Variants in GTF2A2 observed in about 807,000 individuals in gnomAD.
GTF2A2 encodes the protein transcription initiation factor IIA subunit 2.
A neutral mutation model predicts 14.3 loss-of-function variants in GTF2A2; 9 were observed. The observed-to-expected ratio is 0.63, with a 90% confidence interval of 0.38 to 1.10. GTF2A2 has a LOEUF of 1.10. Ranked by LOEUF, GTF2A2 falls within the 50% of genes least tolerant of loss-of-function variation. The pLI, the probability that GTF2A2 is intolerant of heterozygous loss-of-function variation, is 0.01. For missense variants in GTF2A2, 90 were observed against 124.6 expected, an observed-to-expected ratio of 0.72 and a Z score of 1.32; for synonymous variants, 56 against 46.0, an observed-to-expected ratio of 1.22 and a Z score of -0.88.
In GTF2A2 at chr15:59,638,423, G is replaced by A. The variant is rs1266599292; in HGVS notation, c.*709C>T. Reference sequence around the variant, plus strand: ...GTCTAATAATTAGACTTTATTGTAAGTCTAATGTATCTTGTACATGATAAA... The same window carrying A: ...GTCTAATAATTAGACTTTATTGTAAATCTAATGTATCTTGTACATGATAAA... On this transcript the variant is annotated 3_prime_UTR_variant, in exon 5 of 5. Coordinates refer to ENST00000396060, the MANE Select transcript of GTF2A2 (RefSeq NM_004492.3). 2.1e-5 allele frequency: 3 copies of A among 143,902 alleles called. No individual in the cohort carries two copies. Among genetic ancestry groups the A allele is most frequent in the South Asian group, 2.3e-4 (1 of 4,390 alleles). 8.9% of individuals were successfully genotyped at this position (143,902 alleles called of 1,614,324 possible).
chr15:59,655,466 C>T (rs1389524710), intron 1 of GTF2A2, among the ~76,000 whole-genome samples: 1 of 152,216 alleles, frequency 6.6e-6, no homozygotes, highest in Non-Finnish European at 1.5e-5. Flanking sequence ...ATTACTCCCT[C>T]CTCTTTCGTA....
At chr15:59,652,435 T>C in intron 1 of GTF2A2, 109 bp from the exon 2 acceptor site, 2 of 560,280 alleles carry the variant, frequency 3.6e-6, no homozygotes, top group South Asian at 4.5e-5. Context: ...GGAGAACGCT[T>C]AGTGGTTGCA....
chr15:59,644,835 C>G (rs192254579), intron 3 of GTF2A2, among the ~76,000 whole-genome samples: 89 of 152,226 alleles, frequency 5.8e-4, no homozygotes, highest in Admixed American at 1.2e-3. Flanking sequence ...CTTGGAAAAC[C>G]TTTGCCCCAT....
chr15:59,646,262 G>C (rs1224744449), intron 3 of GTF2A2, among the ~76,000 whole-genome samples: 1 of 152,048 alleles, frequency 6.6e-6, no homozygotes, highest in Non-Finnish European at 1.5e-5. Flanking sequence ...TACCATATTG[G>C]TCAGGCTGGT....
intron 3 of GTF2A2, among the ~76,000 whole-genome samples, chr15:59,644,610 T>C (rs781543477): frequency 4.5e-4 from 69 of 152,212 alleles, no homozygotes; most frequent in African/African-American, 8.7e-4. Flanking sequence ...AAGAGTAAGT[T>C]ACTGGGTACA....
chr15:59,651,602 A>G (rs1290238817), intron 2 of GTF2A2: 1 of 152,242 alleles, frequency 6.6e-6, no homozygotes, highest in East Asian at 1.9e-4. Context: ...TCTTAAAGCT[A>G]AAAAGTATAT....
intron 1 of GTF2A2, among the ~76,000 whole-genome samples, chr15:59,653,717 A>G (rs190101558): frequency 8.8e-4 from 134 of 152,208 alleles, no homozygotes; most frequent in African/African-American, 3.0e-3. Flanking sequence ...CTTTGTACCC[A>G]TATATAAAAC....
At chr15:59,641,112 G>A (rs1306455714) in intron 4 of GTF2A2, among the ~76,000 whole-genome samples, 1 of 151,776 alleles carries the variant, frequency 6.6e-6, no homozygotes, top group African/African-American at 2.4e-5. Context: ...CCAGCACTCT[G>A]GGAGAAGGAG....
At chr15:59,639,281 G>T in intron 4 of GTF2A2, 124 bp from the exon 5 acceptor site, 1 of 696,314 alleles carries the variant, frequency 1.4e-6, no homozygotes. Context: ...CTTGCAGGGT[G>T]GGGAAGAACA....
At chr15:59,645,829 G>A (rs1891585970) in intron 3 of GTF2A2, among the ~76,000 whole-genome samples, 1 of 151,888 alleles carries the variant, frequency 6.6e-6, no homozygotes, top group Non-Finnish European at 1.5e-5. Context: ...GAGGTGAGGA[G>A]TTCAAGACCA....
intron 3 of GTF2A2, among the ~76,000 whole-genome samples, chr15:59,646,669 C>A (rs569888063): frequency 6.6e-6 from 1 of 151,904 alleles, no homozygotes; most frequent in Admixed American, 6.6e-5. Context: ...ATTTATTTTA[C>A]CACAAAAATA....
chr15:59,651,988 T>G, intron 2 of GTF2A2: 1 of 430,682 alleles, frequency 2.3e-6, no homozygotes, highest in South Asian at 3.5e-5. Context: ...GTACCCAGAT[T>G]TAGCTATATT....
intron 3 of GTF2A2, among the ~76,000 whole-genome samples, chr15:59,648,401 C>CAAAAAAA (rs71425875): frequency 5.5e-5 from 5 of 90,518 alleles, no homozygotes; most frequent in Non-Finnish European, 8.2e-5. Flanking sequence ...GACTTCGTCT[C>CAAAAAAA]AAAAAAAAAA....
intron 3 of GTF2A2, among the ~76,000 whole-genome samples, chr15:59,648,401 C>CAAG (rs1891679635): frequency 1.1e-5 from 1 of 90,536 alleles, no homozygotes; most frequent in African/African-American, 4.6e-5. Context: ...GACTTCGTCT[C>CAAG]AAAAAAAAAA....
Position 59,638,549 on chromosome 15 carries a change from TAAG to T in GTF2A2, c.*580_*582del, listed in dbSNP as rs1200642949. ...TCCCCCTTCCTCATGTTACCTGGTC[TAAG>T]AAGGAAAGTTTTTTGGTTTTGTTTT... On this transcript the variant is annotated 3_prime_UTR_variant, in exon 5 of 5. Coordinates refer to ENST00000396060, the MANE Select transcript of GTF2A2 (RefSeq NM_004492.3). The T allele has an allele frequency of 3.3e-5, 5 of 152,308 alleles. No homozygotes were observed. In the East Asian group the frequency reaches 9.6e-4, roughly 29 times the overall value. 9.4% of individuals were successfully genotyped at this position (152,308 alleles called of 1,614,324 possible).
At chr15:59,639,699 C>G (rs1891331094) in intron 4 of GTF2A2, among the ~76,000 whole-genome samples, 1 of 152,026 alleles carries the variant, frequency 6.6e-6, no homozygotes, top group African/African-American at 2.4e-5. Context: ...ACCTCGTGAT[C>G]TGCCCGCCTC....
intron 4 of GTF2A2, 152 bp from the exon 5 acceptor site, chr15:59,639,309 G>A (rs1416034916): frequency 3.1e-6 from 2 of 636,654 alleles, no homozygotes; most frequent in East Asian, 2.7e-5. Flanking sequence ...AGGTGACACT[G>A]TAAATATGTT....
Position 59,643,614 on chromosome 15 carries a change from T to G in GTF2A2, c.178-1352A>C, listed in dbSNP as rs77400027. The stretch of plus-strand genomic sequence containing the variant: ...TTTTTACTTTTTTTTTTTTTTTTTT[T>G]GGAGATGGAGTCTCACTCTGTGGCC... On this transcript the variant is annotated intron_variant, in intron 3 of 4. Coordinates refer to ENST00000396060, the MANE Select transcript of GTF2A2 (RefSeq NM_004492.3). Among the ~76,000 whole-genome samples the G allele has an allele frequency of 1.9e-4, 23 of 120,476 alleles. No homozygotes were observed. In the East Asian group the frequency reaches 3.7e-3, roughly 20 times the overall value. 79.0% of individuals were successfully genotyped at this position (120,476 alleles called of 152,430 possible).
chr15:59,646,999 C>T (rs1255770072), intron 3 of GTF2A2, among the ~76,000 whole-genome samples: 1 of 150,184 alleles, frequency 6.7e-6, no homozygotes, highest in African/African-American at 2.4e-5. Context: ...TATGTATATA[C>T]TATATATACA....
Sources: gnomAD v4.1 joint callset for allele counts (sites outside exome capture counted in the v4.1 genomes callset) on GRCh38, gnomAD v4.1.1 for gene constraint, MANE v1.5 for transcripts, NCBI Gene and HGNC (gene_info 2026-07-23, HGNC 2026-07-21) for gene names.